SLC35E4: variants seen among roughly 807,000 people sequenced by gnomAD.
SLC35E4 encodes solute carrier family 35 member E4, also known as solute carrier family 35, member E4.
A neutral mutation model predicts 19.3 loss-of-function variants in SLC35E4; 15 were observed. The observed-to-expected ratio is 0.78, with a 90% CI of 0.52 to 1.20. The LOEUF is 1.20. Ranked by LOEUF, SLC35E4 falls within the 50% of genes most tolerant of loss-of-function variation. The pLI is 0.00. For missense variants in SLC35E4, 406 were observed against 472.3 expected (o/e 0.86, Z 1.30); for synonymous variants, 219 against 219.9 (o/e 1.00, Z 0.04).
downstream of SLC35E4, among the ~76,000 whole-genome samples, chr22:30,651,425 ATATTTTTTTTTTTTT>A (rs1569062143): frequency 5.6e-3 from 154 of 27,392 alleles, no homozygotes; most frequent in South Asian, 8.6e-3. Context: ...ATATATATAT[ATATTTTTTTTTTTTT>A]TTTTTTTTTT....
At chr22:30,645,696 A>G (rs922563639) in intron 1 of SLC35E4, among the ~76,000 whole-genome samples, 1 of 150,968 alleles carries the variant, frequency 6.6e-6, no homozygotes, top group Non-Finnish European at 1.5e-5. Flanking sequence ...TGCTCTGGTC[A>G]TTGAGGTGGA....
intron 1 of SLC35E4, among the ~76,000 whole-genome samples, chr22:30,641,125 AG>A (rs1463223517): frequency 6.6e-6 from 1 of 152,230 alleles, no homozygotes; most frequent in African/African-American, 2.4e-5. Context: ...TGCAGGCCAC[AG>A]GGCTGTGAAG....
At chr22:30,642,473 C>A (rs1461059582) in intron 1 of SLC35E4, among the ~76,000 whole-genome samples, 1 of 152,118 alleles carries the variant, frequency 6.6e-6, no homozygotes. Flanking sequence ...CATGGTGGCT[C>A]ACGCCTGTAA....
At position 30,636,964 on chromosome 22, in the gene SLC35E4, C is replaced by T. The variant is rs1243528473; in HGVS notation, c.514C>T (p.Leu172=). The change falls in exon 1 of 2, where the codon CTG becomes TTG. Residue 172 remains leucine (L), a synonymous_variant. Transcript: ENST00000343605. ...GTTGGCCGCCATGGGTCCGCTCTGC[C>T]TGGGGGCCGCCTGCAGCCTGGCTGG... ...LQLAAMGPLC[L]GAACSLAGEF... is the part of the protein sequence containing the mutation. 6.2e-7 allele frequency: 1 copy of T among 1,611,870 alleles called. No homozygotes were observed. The highest frequency in any genetic ancestry group is 2.2e-5 in the East Asian group (1 of 44,854).
At chr22:30,641,979 G>A (rs1246262094) in intron 1 of SLC35E4, among the ~76,000 whole-genome samples, 2 of 152,008 alleles carry the variant, frequency 1.3e-5, no homozygotes, top group Admixed American at 6.6e-5. Context: ...GCAGAGATGG[G>A]GAGGAACAGA....
At chr22:30,657,320 G>A (rs1441822378) in intron 2 of SLC35E4, among the ~76,000 whole-genome samples, 1 of 151,670 alleles carries the variant, frequency 6.6e-6, no homozygotes, top group Non-Finnish European at 1.5e-5. Context: ...TTAGCCGGGC[G>A]TGGGGGCGGG....
rs2088160907 is a variant in SLC35E4 at position 30,647,813 on chromosome 22, C to T, written c.*782C>T. On this transcript the variant is annotated 3_prime_UTR_variant, in exon 2 of 2. Coordinates refer to ENST00000343605, the MANE Select transcript of SLC35E4 (RefSeq NM_001001479.4). ...AGGGAGTTGGGGTAGTCTGTGCCAA[C>T]TCCAGGCAGCTGCTGTGGCCTCACC... The T allele has an allele frequency of 6.6e-6, 1 of 152,134 alleles. No individual in the cohort carries two copies. The highest frequency in any genetic ancestry group is 6.5e-5 in the Admixed American group (1 of 15,280). 9.4% of individuals were successfully genotyped at this position (152,134 alleles called of 1,614,324 possible).
Position 30,637,055 on chromosome 22 carries a change from A to C in SLC35E4, c.605A>C (p.Lys202Thr). 6.4e-7 allele frequency: 1 copy of C among 1,570,438 alleles called. No individual in the cohort carries two copies. Among genetic ancestry groups the C allele is most frequent in the Non-Finnish European group, 8.7e-7 (1 of 1,154,624 alleles). Residue 202 changes from lysine to threonine, a missense_variant, in exon 1 of 2, where the codon AAG becomes ACG. Transcript: ENST00000343605. ...LLAATCLRGL[K>T]SVQQSALLQE... ...GCAGCCACCTGCCTCCGCGGACTCAAGTCGGTTCAGCAAAGTAAGTGCCTG... is the reference window on the plus strand; with the variant it reads ...GCAGCCACCTGCCTCCGCGGACTCACGTCGGTTCAGCAAAGTAAGTGCCTG...
chr22:30,648,671 A>G (rs920037666), downstream of SLC35E4, among the ~76,000 whole-genome samples: 1 of 152,200 alleles, frequency 6.6e-6, no homozygotes, highest in Non-Finnish European at 1.5e-5. Flanking sequence ...CAGAGGTTGC[A>G]GTGAGCCGAG....
At chr22:30,654,264 G>A (rs1476540335) in intron 2 of SLC35E4, 5 of 426,634 alleles carry the variant, frequency 1.2e-5, no homozygotes, top group Admixed American at 2.6e-5. Context: ...GATTACAGGC[G>A]TGAGCCACCG....
At chr22:30,645,571 G>A (rs902324197) in intron 1 of SLC35E4, among the ~76,000 whole-genome samples, 2 of 147,004 alleles carry the variant, frequency 1.4e-5, no homozygotes, top group African/African-American at 5.0e-5. Flanking sequence ...TTCCAGCCTG[G>A]GCAACAGAGC....
intron 1 of SLC35E4, among the ~76,000 whole-genome samples, chr22:30,640,136 C>A (rs968629405): frequency 6.6e-6 from 1 of 152,106 alleles, no homozygotes; most frequent in African/African-American, 2.4e-5. Context: ...TGACTTCCCG[C>A]AACAGAGGTG....
rs2087943717 is a variant in SLC35E4, at chr22:30,636,297, C to T, written c.-154C>T. 1.8e-6 allele frequency: 2 copies of T among 1,107,340 alleles called. No homozygotes were observed. The highest frequency in any genetic ancestry group is 1.9e-5 in the South Asian group (1 of 53,402). The allele number at this position is 1,107,340 out of a possible 1,614,324, so 68.6% of individuals were successfully genotyped here. A position where few individuals can be genotyped will look rare whatever the true frequency, so the allele number is the denominator to read the frequency against. On this transcript the variant is annotated 5_prime_UTR_variant, in exon 1 of 2. Coordinates refer to ENST00000343605, the MANE Select transcript of SLC35E4 (RefSeq NM_001001479.4). Reference sequence around the variant, plus strand: ...GCTTAGCTTCTAGACATCGCTGGCACAGGCCTGGCACAAGTAAGCAGTGTC... The same window carrying T: ...GCTTAGCTTCTAGACATCGCTGGCATAGGCCTGGCACAAGTAAGCAGTGTC...
At chr22:30,640,384 A>G (rs182904184) in intron 1 of SLC35E4, among the ~76,000 whole-genome samples, 2,575 of 151,836 alleles carry the variant, frequency 0.017, 35 homozygotes, top group Non-Finnish European at 0.028. Context: ...AAAAAAAAAA[A>G]AAGAAGAAAG....
chr22:30,654,650 G>A (rs1602089611), intron 2 of SLC35E4: 1 of 451,928 alleles, frequency 2.2e-6, no homozygotes, highest in East Asian at 6.1e-5. Flanking sequence ...ATCCACTTGT[G>A]GAGGAAGGCC....
intron 2 of SLC35E4, chr22:30,653,891 C>T (rs1249349727): frequency 6.2e-6 from 1 of 162,438 alleles, no homozygotes; most frequent in African/African-American, 2.4e-5. Flanking sequence ...AGCAGGAGTC[C>T]ATGGGTCTTG....
intron 2 of SLC35E4, among the ~76,000 whole-genome samples, chr22:30,656,950 A>G (rs2088349778): frequency 6.6e-6 from 1 of 152,090 alleles, no homozygotes. Flanking sequence ...CCCCATCTCT[A>G]TTTTGTATAA....
downstream of SLC35E4, among the ~76,000 whole-genome samples, chr22:30,650,802 C>G (rs2088196933): frequency 6.6e-6 from 1 of 152,176 alleles, no homozygotes; most frequent in East Asian, 1.9e-4. Context: ...CAGGCATGCT[C>G]CCGCCTGAGC....
intron 1 of SLC35E4, among the ~76,000 whole-genome samples, chr22:30,644,957 T>C (rs1219325931): frequency 6.8e-6 from 1 of 147,162 alleles, no homozygotes; most frequent in Non-Finnish European, 1.5e-5. Context: ...GGATTCATCT[T>C]GACAAGCCAC....
Sources: gnomAD v4.1 joint callset for allele counts (sites outside exome capture counted in the v4.1 genomes callset) on GRCh38, gnomAD v4.1.1 for gene constraint, MANE v1.5 for transcripts, NCBI Gene and HGNC (gene_info 2026-07-23, HGNC 2026-07-21) for gene names.